MAML2: variants seen among roughly 807,000 people sequenced by gnomAD.
MAML2 encodes the protein mastermind-like protein 2.
In MAML2, 22 loss-of-function variants were observed where a neutral mutation model predicts 96.1. That is an observed-to-expected ratio of 0.23 (90% CI 0.16 to 0.33). MAML2 has a LOEUF of 0.33. Among genes scored for constraint, MAML2 ranks in the 10% least tolerant of loss-of-function variants. MAML2 has a pLI of 1.00. For synonymous variants in MAML2, 561 were observed against 521.3 expected, an observed-to-expected ratio of 1.08 and a Z score of -1.04; for missense variants, 1,367 against 1,392.4, an observed-to-expected ratio of 0.98 and a Z score of 0.29.
chr11:96,132,709 T>C (rs1386919203), intron 1 of MAML2, among the ~76,000 whole-genome samples: 1 of 152,220 alleles, frequency 6.6e-6, no homozygotes, highest in East Asian at 1.9e-4. Flanking sequence ...ATACTGTAGC[T>C]CTGATTCCAT....
chr11:96,012,590 G>A (rs1440989251), intron 2 of MAML2, among the ~76,000 whole-genome samples: 1 of 152,132 alleles, frequency 6.6e-6, no homozygotes, highest in African/African-American at 2.4e-5. Flanking sequence ...AATGGATATA[G>A]GGAGTATGAA....
At chr11:96,056,299 G>A (rs766147324) in intron 2 of MAML2, among the ~76,000 whole-genome samples, 7 of 149,700 alleles carry the variant, frequency 4.7e-5, no homozygotes, top group Non-Finnish European at 1.0e-4. Context: ...CCCAAACTGA[G>A]CCATTGGAAA....
intron 2 of MAML2, among the ~76,000 whole-genome samples, chr11:96,028,232 CA>C (rs1188985281): frequency 2.6e-5 from 4 of 152,214 alleles, no homozygotes; most frequent in Admixed American, 2.0e-4. Flanking sequence ...TTTGCTCCCT[CA>C]AAACACATAT....
chr11:96,295,783 A>G (rs1187379527), intron 1 of MAML2, among the ~76,000 whole-genome samples: 2 of 150,882 alleles, frequency 1.3e-5, no homozygotes, highest in African/African-American at 4.9e-5. Flanking sequence ...AAAAATAAAC[A>G]ATAAAGAAGT....
chr11:96,311,745 C>G (rs971067012), intron 1 of MAML2, among the ~76,000 whole-genome samples: 21 of 152,176 alleles, frequency 1.4e-4, no homozygotes. Flanking sequence ...TTAAGTTTCA[C>G]TGAGAGTTAG....
chr11:96,070,591 A>T (rs1450166183), intron 2 of MAML2, among the ~76,000 whole-genome samples: 1 of 152,224 alleles, frequency 6.6e-6, no homozygotes, highest in African/African-American at 2.4e-5. Context: ...AGGCACCTGG[A>T]GCTGCCCACC....
At chr11:96,339,183 A>T (rs927572495) in intron 1 of MAML2, among the ~76,000 whole-genome samples, 1 of 152,190 alleles carries the variant, frequency 6.6e-6, no homozygotes, top group African/African-American at 2.4e-5. Flanking sequence ...CCTCTAAGGG[A>T]ATGTCTCAGG....
intron 2 of MAML2, among the ~76,000 whole-genome samples, chr11:96,018,080 T>C (rs574601307): frequency 2.2e-4 from 34 of 152,220 alleles, no homozygotes; most frequent in Middle Eastern, 3.4e-3. Flanking sequence ...GTGGTAGCAG[T>C]GGGAAGTGGC....
intron 1 of MAML2, among the ~76,000 whole-genome samples, chr11:96,252,827 G>A (rs912444603): frequency 6.6e-6 from 1 of 152,190 alleles, no homozygotes; most frequent in East Asian, 1.9e-4. Flanking sequence ...GCCACATCTT[G>A]CTGCCTTTTA....
At chr11:96,017,216 C>T (rs1389081363) in intron 2 of MAML2, among the ~76,000 whole-genome samples, 1 of 152,164 alleles carries the variant, frequency 6.6e-6, no homozygotes, top group East Asian at 1.9e-4. Context: ...AATTGCACAA[C>T]ATTTGTTAGT....
rs114853076 is a variant in MAML2 at position 96,222,603 on chromosome 11, G to C, written c.513+118780C>G. Among the ~76,000 whole-genome samples, 1,471 of 152,284 alleles carry C rather than the reference G, an allele frequency of 9.7e-3. 27 individuals carry two copies. The highest frequency in any genetic ancestry group is 0.033 in the African/African-American group (1,375 of 41,522). The stretch of plus-strand genomic sequence containing the variant: ...GATAATGAGATATCATTTCCCAGGA[G>C]TGCCAAGCTTCCATTTTGCTACTTC... On this transcript the variant is annotated intron_variant, in intron 1 of 4. Transcript: ENST00000524717.
chr11:96,251,445 T>A (rs986943234), intron 1 of MAML2, among the ~76,000 whole-genome samples: 1 of 152,252 alleles, frequency 6.6e-6, no homozygotes, highest in Non-Finnish European at 1.5e-5. Flanking sequence ...ATTGTGAGAT[T>A]CAAATTCTTG....
At position 95,979,817 on chromosome 11, in the gene MAML2, C is replaced by A. The variant is rs774221868; in HGVS notation, c.2602G>T (p.Gly868Trp). 9.8e-5 allele frequency: 158 copies of A among 1,613,778 alleles called. No individual in the cohort carries two copies. The highest frequency in any genetic ancestry group is 1.2e-4 in the Non-Finnish European group (143 of 1,179,876). ...PSLSTAVQNM[G>W]MYGNLPCNQP... ...TTACAAGGCAGATTTCCATACATCC[C>A]CATATTCTGAACTGCTGTAGATAAT... Residue 868 changes from glycine to tryptophan, a missense_variant, in exon 5 of 5, where the codon GGG (glycine) becomes TGG (tryptophan). Physicochemically the swap from Gly to Trp is radical, Grantham distance 184. Transcript: ENST00000524717.
intron 1 of MAML2, among the ~76,000 whole-genome samples, chr11:96,340,224 G>C (rs570860258): frequency 6.6e-6 from 1 of 152,342 alleles, no homozygotes; most frequent in African/African-American, 2.4e-5. Flanking sequence ...CTTTGGAGGA[G>C]CAGTTAGACA....
chr11:96,244,362 T>C (rs915212979), intron 1 of MAML2, among the ~76,000 whole-genome samples: 1 of 152,248 alleles, frequency 6.6e-6, no homozygotes, highest in African/African-American at 2.4e-5. Context: ...CTTGCAATTC[T>C]ATAAGTAGAT....
intron 2 of MAML2, among the ~76,000 whole-genome samples, chr11:96,055,235 A>G (rs935199614): frequency 1.3e-5 from 2 of 152,180 alleles, no homozygotes; most frequent in African/African-American, 2.4e-5. Flanking sequence ...TGCCATGCCC[A>G]TGGCACTACC....
chr11:96,023,154 G>A (rs372841205), intron 2 of MAML2, among the ~76,000 whole-genome samples: 1 of 152,172 alleles, frequency 6.6e-6, no homozygotes, highest in South Asian at 2.1e-4. Flanking sequence ...TCCCTGGCAG[G>A]CCACTCAGCC....
chr11:96,212,575 G>A (rs1429051997), intron 1 of MAML2, among the ~76,000 whole-genome samples: 2 of 152,186 alleles, frequency 1.3e-5, no homozygotes, highest in East Asian at 1.9e-4. Flanking sequence ...GCAGCAGTGG[G>A]TGAGCCTCCT....
chr11:96,017,292 T>A (rs1858368785), intron 2 of MAML2, among the ~76,000 whole-genome samples: 1 of 152,144 alleles, frequency 6.6e-6, no homozygotes, highest in African/African-American at 2.4e-5. Context: ...ATACCTTGAT[T>A]TCTGAAAAAG....
Sources: gnomAD v4.1 joint callset for allele counts (sites outside exome capture counted in the v4.1 genomes callset) on GRCh38, gnomAD v4.1.1 for gene constraint, MANE v1.5 for transcripts, NCBI Gene and HGNC (gene_info 2026-07-23, HGNC 2026-07-21) for gene names.